The following TKTL1 variants were observed in gnomAD, a reference collection of about 807,000 sequenced individuals.
TKTL1 encodes transketolase-like protein 1.
Under a neutral mutation model 39.3 loss-of-function variants are expected in TKTL1, and 1 was observed. That is an observed-to-expected ratio of 0.03 (90% CI 0.01 to 0.12). The LOEUF is 0.12. Among genes scored for constraint, TKTL1 ranks in the 10% least tolerant of loss-of-function variants. The probability of loss-of-function intolerance (pLI) is 1.00; values close to 1 mark genes in which losing one functional copy is unlikely to be tolerated. For synonymous variants in TKTL1, 262 were observed against 193.8 expected, an observed-to-expected ratio of 1.35 and a Z score of -2.92; for missense variants, 575 against 509.6, an observed-to-expected ratio of 1.13 and a Z score of -1.24.
intron 1 of TKTL1, among the ~76,000 whole-genome samples, chrX:154,296,198 C>T (rs1362760585): frequency 1.8e-5 from 2 of 110,926 alleles, no homozygotes; most frequent in African/African-American, 3.3e-5. Context: ...AAGGGTCGGT[C>T]GGTTGGTTGG....
chrX:154,318,093 G>T (rs1472437701), intron 7 of TKTL1, among the ~76,000 whole-genome samples: 1 of 110,650 alleles, frequency 9.0e-6, no homozygotes, highest in Non-Finnish European at 1.9e-5. Flanking sequence ...TGTAGAGATG[G>T]AGTCTTGCTC....
Position 154,329,856 on chromosome X carries a change from C to G in TKTL1, c.*168C>G. 2.0e-6 allele frequency: 1 copy of G among 508,950 alleles called. No individual in the cohort carries two copies. Among genetic ancestry groups the G allele is most frequent in the Non-Finnish European group, 3.1e-6 (1 of 318,187 alleles). The allele number at this position is 508,950 out of a possible 1,213,427, so 41.9% of individuals were successfully genotyped here. A position where few individuals can be genotyped will look rare whatever the true frequency, so the allele number is the denominator to read the frequency against. On this transcript the variant is annotated 3_prime_UTR_variant, in exon 13 of 13. Transcript: ENST00000369915. Reference sequence around the variant, plus strand: ...TCAAGCTAACTACTTACCCTTTAAACTGTCACTGCATATGCAAGTACCGCT... The same window carrying G: ...TCAAGCTAACTACTTACCCTTTAAAGTGTCACTGCATATGCAAGTACCGCT...
At chrX:154,327,510 G>C (rs1004905609) in intron 10 of TKTL1, 81 bp from the exon 11 acceptor site, 6 of 825,910 alleles carry the variant, frequency 7.3e-6, no homozygotes, top group Non-Finnish European at 9.2e-6. Flanking sequence ...GGGGGATAGC[G>C]GCATAGCAAA....
chrX:154,326,726 C>T (rs1603355309), intron 10 of TKTL1, among the ~76,000 whole-genome samples: 1 of 112,658 alleles, frequency 8.9e-6, no homozygotes, highest in Non-Finnish European at 1.9e-5. Context: ...TTATTTCTGT[C>T]GTCTCTTTTC....
intron 1 of TKTL1, among the ~76,000 whole-genome samples, chrX:154,300,846 C>T (rs1189134903): frequency 9.1e-6 from 1 of 110,265 alleles, no homozygotes; most frequent in African/African-American, 3.3e-5. Flanking sequence ...GTGTGTGCCA[C>T]CGCACCCGGC....
intron 7 of TKTL1, among the ~76,000 whole-genome samples, chrX:154,316,715 TCTG>T (rs2148809862): frequency 9.1e-6 from 1 of 110,200 alleles, no homozygotes; most frequent in East Asian, 2.9e-4. Context: ...CTCCCCATGC[TCTG>T]CTGGGCCATT....
At chrX:154,309,617 C>T (rs782499591) in intron 3 of TKTL1, among the ~76,000 whole-genome samples, 175 bp downstream of exon 3, 2 of 111,037 alleles carry the variant, frequency 1.8e-5, no homozygotes, top group Non-Finnish European at 3.8e-5. Context: ...CCACCTCGGG[C>T]GGCTGCCCCA....
intron 1 of TKTL1, among the ~76,000 whole-genome samples, chrX:154,296,630 A>C (rs1214484527): frequency 9.0e-6 from 1 of 111,055 alleles, no homozygotes; most frequent in African/African-American, 3.3e-5. Flanking sequence ...AGTTTGAGGG[A>C]TATTGGTCTC....
At chrX:154,308,263 G>A (rs1475080829) in intron 2 of TKTL1, among the ~76,000 whole-genome samples, 1 of 111,979 alleles carries the variant, frequency 8.9e-6, no homozygotes, top group African/African-American at 3.2e-5. Context: ...AGAGTGAGCT[G>A]TGCCCACATC....
chrX:154,317,018 C>T (rs1442732579), intron 7 of TKTL1, among the ~76,000 whole-genome samples: 6 of 111,248 alleles, frequency 5.4e-5, no homozygotes, highest in Admixed American at 1.9e-4. Context: ...GATCTGCCTG[C>T]CTCAGCCTCC....
Position 154,315,222 on chromosome X carries a change from C to A in TKTL1, c.914C>A (p.Ala305Glu), listed in dbSNP as rs782663073. ...CGLALAKLGY[A>E]NNRVVVLDGD... ...CTGGCTCTGGCTAAGCTGGGCTACGCGAACAACAGAGTCGTTGTGCTGGAT... is the reference window on the plus strand; with the variant it reads ...CTGGCTCTGGCTAAGCTGGGCTACGAGAACAACAGAGTCGTTGTGCTGGAT... Residue 305 changes from alanine to glutamate, a missense_variant, in exon 7 of 13, where the codon GCG (alanine) becomes GAG (glutamate). Coordinates refer to ENST00000369915, the MANE Select transcript of TKTL1 (RefSeq NM_012253.4). 3.3e-6 allele frequency: 4 copies of A among 1,209,450 alleles called. No individual in the cohort carries two copies. Among genetic ancestry groups the A allele is most frequent in the Non-Finnish European group, 4.5e-6 (4 of 894,911 alleles).
intron 12 of TKTL1, 93 bp downstream of exon 12, chrX:154,328,051 C>G (rs1327758238): frequency 2.8e-6 from 3 of 1,053,815 alleles, no homozygotes; most frequent in Non-Finnish European, 3.9e-6. Flanking sequence ...CACCTATAGT[C>G]TACCTCTCAC....
At position 154,311,346 on chromosome X, in the gene TKTL1, A is replaced by ATAG; in HGVS notation, c.670+109_670+111dup. On this transcript the variant is annotated intron_variant, in intron 5 of 12. Coordinates refer to ENST00000369915, the MANE Select transcript of TKTL1 (RefSeq NM_012253.4). The stretch of plus-strand genomic sequence containing the variant: ...CCTAGGCAGATGACTCATTTAGTGA[A>ATAG]TAGCAGTTCTGCCTGGAGTATATGT... 4.8e-6 allele frequency: 5 copies of ATAG among 1,043,837 alleles called. No homozygotes were observed. In the South Asian group the frequency reaches 8.4e-5, roughly 18 times the overall value. 86.0% of individuals were successfully genotyped at this position (1,043,837 alleles called of 1,213,427 possible).
intron 1 of TKTL1, among the ~76,000 whole-genome samples, chrX:154,301,987 C>G (rs2067277407): frequency 9.1e-6 from 1 of 109,659 alleles, no homozygotes. Context: ...AGCGTGGGCA[C>G]TCCTGAAACT....
Position 154,295,801 on chromosome X carries a change from C to A in TKTL1, c.-59C>A, listed in dbSNP as rs983531246. Reference sequence around the variant, plus strand: ...CACTGGGCAGCTCGCAGGCGCCATTCGCTCTTCAGACGCCGGAGACGTAGG... The same window carrying A: ...CACTGGGCAGCTCGCAGGCGCCATTAGCTCTTCAGACGCCGGAGACGTAGG... On this transcript the variant is annotated 5_prime_UTR_variant, in exon 1 of 13. Coordinates refer to ENST00000369915, the MANE Select transcript of TKTL1 (RefSeq NM_012253.4). 1.7e-5 allele frequency: 20 copies of A among 1,178,453 alleles called. No homozygotes were observed. In the African/African-American group the frequency reaches 3.2e-4, roughly 19 times the overall value.
intron 12 of TKTL1, among the ~76,000 whole-genome samples, chrX:154,328,519 T>G: frequency 1.4e-5 from 1 of 72,330 alleles, no homozygotes; most frequent in African/African-American, 5.6e-5. Context: ...GCACTCCAGC[T>G]TGGGAAACAG....
intron 7 of TKTL1, among the ~76,000 whole-genome samples, chrX:154,318,239 C>T (rs191361902): frequency 0.016 from 1,712 of 110,037 alleles, 18 homozygotes; most frequent in Non-Finnish European, 0.019. Context: ...CATTTTTAAT[C>T]ATAAATTTAA....
chrX:154,323,829 C>T (rs782198395), intron 9 of TKTL1, among the ~76,000 whole-genome samples: 15 of 112,497 alleles, frequency 1.3e-4, no homozygotes, highest in Middle Eastern at 4.6e-3. Flanking sequence ...CAGCTTAGGG[C>T]GCCAAGAGTG....
In TKTL1 at chrX:154,309,413, A is replaced by G. The variant is rs1557167852; in HGVS notation, c.321A>G (p.Ala107=). ...GQGLGVACGM[A]YTGKYFDRAS... is the part of the protein sequence containing the mutation. ...GACTGGGAGTTGCATGTGGAATGGC[A>G]TATACTGGCAAGTACTTCGACAGGG... is the stretch of plus-strand genomic sequence containing the variant. Residue 107 remains alanine, a synonymous_variant, in exon 3 of 13, where the codon GCA becomes GCG. Coordinates refer to ENST00000369915, the MANE Select transcript of TKTL1 (RefSeq NM_012253.4). The G allele has an allele frequency of 3.3e-6, 4 of 1,208,617 alleles. No homozygotes were observed. In the African/African-American group the frequency reaches 7.0e-5, roughly 21 times the overall value.
Sources: gnomAD v4.1 joint callset for allele counts (sites outside exome capture counted in the v4.1 genomes callset) on GRCh38, gnomAD v4.1.1 for gene constraint, MANE v1.5 for transcripts, NCBI Gene and HGNC (gene_info 2026-07-23, HGNC 2026-07-21) for gene names.